The following AAK1 variants were observed in gnomAD, a reference collection of about 807,000 sequenced individuals.
AAK1 encodes the protein AP2 associated kinase 1.
In AAK1, 37 loss-of-function variants were observed where a neutral mutation model predicts 116.0. The observed-to-expected ratio is 0.32, with a 90% confidence interval of 0.25 to 0.42. AAK1 has a LOEUF of 0.42. Ranked by LOEUF, AAK1 falls within the 10% of genes least tolerant of loss-of-function variation. The probability of loss-of-function intolerance (pLI) is 1.00; values close to 1 mark genes in which losing one functional copy is unlikely to be tolerated. For missense variants in AAK1, 919 were observed against 1,170.6 expected, an observed-to-expected ratio of 0.79 and a Z score of 3.14; for synonymous variants, 458 against 439.9, an observed-to-expected ratio of 1.04 and a Z score of -0.51.
At position 69,460,696 on chromosome 2, in the gene AAK1, T is replaced by G. The variant is rs1674318162; in HGVS notation, c.*15173A>C. ...GGGCGTATGACCTAGACTCCCTGGG[T>G]GCTGCTCAGCAGCTGCTTCAGCATC... On this transcript the variant is annotated 3_prime_UTR_variant, in exon 22 of 22. Transcript: ENST00000409085. 6.6e-6 allele frequency: 1 copy of G among 152,242 alleles called. No individual in the cohort carries two copies. Among genetic ancestry groups the G allele is most frequent in the Non-Finnish European group, 1.5e-5 (1 of 68,056 alleles). 9.4% of individuals were successfully genotyped at this position (152,242 alleles called of 1,614,324 possible).
chr2:69,505,710 GA>G, intron 15 of AAK1, 37 bp from the exon 16 acceptor site: 1 of 1,547,994 alleles, frequency 6.5e-7, no homozygotes, highest in Non-Finnish European at 8.9e-7. Flanking sequence ...CATTCTAGCA[GA>G]ATCTTGCGAG....
intron 16 of AAK1, among the ~76,000 whole-genome samples, chr2:69,502,983 A>G (rs867451632): frequency 2.7e-4 from 41 of 152,224 alleles, no homozygotes; most frequent in Non-Finnish European, 1.0e-4. Flanking sequence ...TTGTAGATTA[A>G]TATTTATTGA....
At chr2:69,543,628 G>A (rs1369521516) in intron 4 of AAK1, among the ~76,000 whole-genome samples, 1 of 152,064 alleles carries the variant, frequency 6.6e-6, no homozygotes, top group African/African-American at 2.4e-5. Context: ...AGATAGTCTC[G>A]ATCTCTTGAC....
intron 2 of AAK1, among the ~76,000 whole-genome samples, chr2:69,599,592 A>C (rs1673467016): frequency 6.6e-6 from 1 of 152,160 alleles, no homozygotes; most frequent in Non-Finnish European, 1.5e-5. Flanking sequence ...ATGCTTTTCT[A>C]GTTATTTCAC....
chr2:69,482,480 T>A, intron 18 of AAK1: 2 of 632,544 alleles, frequency 3.2e-6, no homozygotes, highest in South Asian at 2.0e-5. Context: ...TCCTCATTCA[T>A]AAGAGATCCA....
intron 5 of AAK1, among the ~76,000 whole-genome samples, chr2:69,540,657 C>T (rs183691463): frequency 8.5e-5 from 13 of 152,256 alleles, no homozygotes; most frequent in East Asian, 5.8e-4. Context: ...TGCCGATGGA[C>T]GTAAAATAGT....
In AAK1 at chr2:69,470,358, T is replaced by C; in HGVS notation, c.*5511A>G. The C allele has an allele frequency of 1.0e-6, 1 of 985,356 alleles. No homozygotes were observed. The highest frequency in any genetic ancestry group is 1.2e-6 in the Non-Finnish European group (1 of 829,924). 61.0% of individuals were successfully genotyped at this position (985,356 alleles called of 1,614,324 possible). ...GAAACGTAAAATTTTAGAACCAAAC[T>C]GGGGAAATCAAGAGACGTACATCAA... On this transcript the variant is annotated 3_prime_UTR_variant, in exon 22 of 22. Transcript: ENST00000409085.
At chr2:69,533,842 T>C (rs1670354845) in intron 5 of AAK1, among the ~76,000 whole-genome samples, 1 of 152,242 alleles carries the variant, frequency 6.6e-6, no homozygotes. Context: ...TGAACAATTC[T>C]TAAGCATAGG....
At position 69,469,312 on chromosome 2, in the gene AAK1, C is replaced by T. The variant is rs1674597770; in HGVS notation, c.*6557G>A. 1.0e-6 allele frequency: 1 copy of T among 985,250 alleles called. No homozygotes were observed. Among genetic ancestry groups the T allele is most frequent in the African/African-American group, 1.7e-5 (1 of 57,200 alleles). The allele number at this position is 985,250 out of a possible 1,614,324, so 61.0% of individuals were successfully genotyped here. ...ATTCTGGTGGTGGCAGCACCAGAAACAAGGTAGTCGAGAGAAGGATAAATT... is the reference window on the plus strand; with the variant it reads ...ATTCTGGTGGTGGCAGCACCAGAAATAAGGTAGTCGAGAGAAGGATAAATT... On this transcript the variant is annotated 3_prime_UTR_variant, in exon 22 of 22. Transcript: ENST00000409085.
chr2:69,563,589 G>A (rs1435052217), intron 2 of AAK1, among the ~76,000 whole-genome samples: 1 of 152,114 alleles, frequency 6.6e-6, no homozygotes, highest in African/African-American at 2.4e-5. Context: ...TGTCTGAGAT[G>A]GAAAGATGAC....
intron 2 of AAK1, among the ~76,000 whole-genome samples, chr2:69,564,102 G>C (rs1386830166): frequency 6.6e-6 from 1 of 151,954 alleles, no homozygotes; most frequent in East Asian, 1.9e-4. Context: ...TGAGGCAGGA[G>C]AATTGCTTGA....
In AAK1 at chr2:69,519,090, G is replaced by T; in HGVS notation, c.1361C>A (p.Pro454His). 1 of 1,552,278 alleles carries T rather than the reference G, an allele frequency of 6.4e-7. No homozygotes were observed. Among genetic ancestry groups the T allele is most frequent in the Non-Finnish European group, 8.7e-7 (1 of 1,147,340 alleles). ...CTGGGGTGTGGCCTGGGCCTGAGCG[G>T]GCAGACCCTGGGCCTGAGTAGAAGG... ...QTPSTQAQGLPAQAQATPQHQ... is the reference protein window; with the variant it reads ...QTPSTQAQGLHAQAQATPQHQ... The change falls in exon 12 of 22, where the codon CCC becomes CAC. Residue 454 changes from proline to histidine, a missense_variant. By Grantham distance (77) the Pro-to-His change is moderately conservative. Around this residue, in one of 4 missense-constraint regions of AAK1, gnomAD observed 214 missense variants for 210.6 expected, o/e 1.02. Transcript: ENST00000409085.
rs182986809 is a variant in AAK1 at position 69,497,986 on chromosome 2, C to T, written c.2270-1906G>A. On this transcript the variant is annotated intron_variant, in intron 16 of 21. Coordinates refer to ENST00000409085, the MANE Select transcript of AAK1 (RefSeq NM_014911.5). ...CACCCATACCTCTGGCTCTGGGACC[C>T]CACCCACACCCTCTGCTCTGTTCTC... Among the ~76,000 whole-genome samples, 927 of 152,186 alleles carry T rather than the reference C, an allele frequency of 6.1e-3. 14 individuals carry two copies. The highest frequency in any genetic ancestry group is 0.022 in the African/African-American group (897 of 41,500).
At chr2:69,597,758 A>T (rs534418491) in intron 2 of AAK1, 1 of 153,820 alleles carries the variant, frequency 6.5e-6, no homozygotes, top group East Asian at 1.9e-4. Flanking sequence ...GGCATGCACC[A>T]CTAGTCCCAG....
chr2:69,481,185 G>C (rs962650836), intron 18 of AAK1: 35 of 375,250 alleles, frequency 9.3e-5, no homozygotes, highest in Non-Finnish European at 1.6e-4. Flanking sequence ...CTTTTAACAG[G>C]TCTCTAAAAT....
intron 2 of AAK1, among the ~76,000 whole-genome samples, chr2:69,620,198 A>G (rs573614792): frequency 6.6e-6 from 1 of 152,352 alleles, no homozygotes; most frequent in African/African-American, 2.4e-5. Flanking sequence ...TAGAGCAAAC[A>G]GGATTTTCTG....
At chr2:69,480,993 G>A in intron 18 of AAK1, 32 bp from the exon 19 acceptor site, 2 of 1,532,802 alleles carry the variant, frequency 1.3e-6, no homozygotes, top group Non-Finnish European at 1.8e-6. Context: ...AAGAGGAAAG[G>A]GTAAGGGAAA....
At chr2:69,575,582 C>A (rs1398678339) in intron 2 of AAK1, among the ~76,000 whole-genome samples, 3 of 151,584 alleles carry the variant, frequency 2.0e-5, no homozygotes, top group African/African-American at 7.3e-5. Context: ...GATTCTCCTG[C>A]CTCAGCCTCC....
At chr2:69,477,822 T>G (rs1674911013) in intron 20 of AAK1, among the ~76,000 whole-genome samples, 1 of 152,236 alleles carries the variant, frequency 6.6e-6, no homozygotes, top group Non-Finnish European at 1.5e-5. Flanking sequence ...TGATTATTTT[T>G]AGTCATTCTG....
Sources: gnomAD v4.1 joint callset for allele counts (sites outside exome capture counted in the v4.1 genomes callset) on GRCh38, gnomAD v4.1.1 for gene constraint, gnomAD v4.1.1 regional missense constraint, MANE v1.5 for transcripts, NCBI Gene and HGNC (gene_info 2026-07-23, HGNC 2026-07-21) for gene names.